HCN1: variants seen among roughly 807,000 people sequenced by gnomAD.
HCN1 encodes the protein potassium/sodium hyperpolarization-activated cyclic nucleotide-gated channel 1.
HCN1 carries 13 observed loss-of-function variants against 78.9 expected under a neutral mutation model. The ratio of observed to expected loss-of-function variants is 0.16; its 90% confidence interval spans 0.11 to 0.26. The LOEUF is 0.26. HCN1 is among the 10% of genes least tolerant of loss of function. The pLI, the probability that HCN1 is intolerant of heterozygous loss-of-function variation, is 1.00. For missense variants in HCN1, 810 were observed against 1,154.3 expected, an observed-to-expected ratio of 0.70 and a Z score of 4.32; for synonymous variants, 552 against 455.5, an observed-to-expected ratio of 1.21 and a Z score of -2.70.
intron 2 of HCN1, chr5:45,575,773 G>A (rs2111910593): frequency 6.6e-6 from 1 of 152,174 alleles, no homozygotes; most frequent in Non-Finnish European, 1.5e-5. Context: ...TCACATAAGA[G>A]CTCTGATGAA....
chr5:45,536,343 T>C (rs1350985819), intron 2 of HCN1, among the ~76,000 whole-genome samples: 1 of 152,184 alleles, frequency 6.6e-6, no homozygotes, highest in Non-Finnish European at 1.5e-5. Context: ...ACCACTTGCA[T>C]TGTTTGTGAG....
intron 2 of HCN1, among the ~76,000 whole-genome samples, chr5:45,498,522 T>C (rs1200609480): frequency 1.3e-5 from 2 of 152,154 alleles, no homozygotes; most frequent in African/African-American, 2.4e-5. Context: ...TCTTTGCCTT[T>C]GGTTTGAATC....
chr5:45,577,943 C>T (rs1743983228), intron 2 of HCN1, among the ~76,000 whole-genome samples: 1 of 152,000 alleles, frequency 6.6e-6, no homozygotes, highest in Non-Finnish European at 1.5e-5. Flanking sequence ...AGTAGTGTCA[C>T]TATTCTTTTG....
chr5:45,259,384 C>G lies in HCN1; in HGVS notation c.*2537G>C, dbSNP rs1297374791. Reference sequence around the variant, plus strand: ...TTGTAAGAATCAGCTATTCTATTATCTTTCCAGCAGCAGAAAGACCAATGA... The same window carrying G: ...TTGTAAGAATCAGCTATTCTATTATGTTTCCAGCAGCAGAAAGACCAATGA... On this transcript the variant is annotated 3_prime_UTR_variant, in exon 8 of 8. Transcript: ENST00000303230. 1 of 152,344 alleles carries G rather than the reference C, an allele frequency of 6.6e-6. No individual in the cohort carries two copies. Among genetic ancestry groups the G allele is most frequent in the Non-Finnish European group, 1.5e-5 (1 of 67,894 alleles). 9.4% of individuals were successfully genotyped at this position (152,344 alleles called of 1,614,324 possible). A position where few individuals can be genotyped will look rare whatever the true frequency, so the allele number is the denominator to read the frequency against.
Position 45,498,546 on chromosome 5 carries a change from C to T in HCN1, c.850-36539G>A, listed in dbSNP as rs536110681. On this transcript the variant is annotated intron_variant, in intron 2 of 7. Transcript: ENST00000303230. ...TTGGTTTGAATCTCCTCCCATTGCT[C>T]GGAGTAATTTGATCGTCTGAAGCCT... Among the ~76,000 whole-genome samples the T allele has an allele frequency of 3.2e-4, 49 of 152,268 alleles. 1 individual carries two copies. Among genetic ancestry groups the T allele is most frequent in the Admixed American group, 4.6e-4 (7 of 15,294 alleles).
intron 3 of HCN1, among the ~76,000 whole-genome samples, chr5:45,416,735 A>G (rs1740126572): frequency 6.6e-6 from 1 of 152,006 alleles, no homozygotes; most frequent in Admixed American, 6.6e-5. Flanking sequence ...AATTAATTGG[A>G]TAAGATTGTA....
chr5:45,511,111 T>TG (rs1742407062), intron 2 of HCN1, among the ~76,000 whole-genome samples: 2 of 152,122 alleles, frequency 1.3e-5, no homozygotes, highest in African/African-American at 2.4e-5. Flanking sequence ...ACCTAGATGA[T>TG]GGTTTCTAAT....
At chr5:45,372,608 A>C (rs1365228005) in intron 4 of HCN1, among the ~76,000 whole-genome samples, 3 of 119,934 alleles carry the variant, frequency 2.5e-5, no homozygotes, top group Non-Finnish European at 3.2e-5. Context: ...AATATATAAA[A>C]CATTTTATAT....
intron 5 of HCN1, among the ~76,000 whole-genome samples, chr5:45,306,078 A>G (rs1745728715): frequency 6.6e-6 from 1 of 152,166 alleles, no homozygotes; most frequent in Non-Finnish European, 1.5e-5. Context: ...ACGTGGAGTT[A>G]AAAGAAGACA....
intron 4 of HCN1, among the ~76,000 whole-genome samples, chr5:45,353,519 A>T (rs554446613): frequency 5.9e-5 from 9 of 152,132 alleles, no homozygotes; most frequent in African/African-American, 1.7e-4. Flanking sequence ...AATTTAAGGG[A>T]GTAGCTACAG....
intron 4 of HCN1, among the ~76,000 whole-genome samples, chr5:45,358,245 G>C (rs1182891680): frequency 1.3e-5 from 2 of 152,076 alleles, no homozygotes; most frequent in Non-Finnish European, 1.5e-5. Flanking sequence ...TATGAGGTGA[G>C]AACTGACGAA....
At chr5:45,393,077 C>A (rs776209233) in intron 4 of HCN1, among the ~76,000 whole-genome samples, 1 of 152,140 alleles carries the variant, frequency 6.6e-6, no homozygotes, top group Non-Finnish European at 1.5e-5. Flanking sequence ...GGATGCTATT[C>A]AGTCCATAAA....
chr5:45,409,787 CT>C (rs957179377), intron 3 of HCN1, among the ~76,000 whole-genome samples: 4 of 151,614 alleles, frequency 2.6e-5, no homozygotes, highest in African/African-American at 9.7e-5. Context: ...ACAATTTATC[CT>C]TTTTATAAGT....
At chr5:45,546,860 G>A (rs186036858) in intron 2 of HCN1, among the ~76,000 whole-genome samples, 70 of 151,796 alleles carry the variant, frequency 4.6e-4, no homozygotes, top group South Asian at 2.1e-4. Flanking sequence ...TTGTTTTCAC[G>A]AGTAGAATAC....
In HCN1 at chr5:45,261,989, T is replaced by C. The variant is rs1207082922; in HGVS notation, c.2605A>G (p.Arg869Gly). 5.6e-6 allele frequency: 9 copies of C among 1,613,934 alleles called. No individual in the cohort carries two copies. The East Asian group carries it at 1.1e-4, about 20-fold the overall frequency. Residue 869 changes from arginine (R) to glycine (G), a missense_variant, in exon 8 of 8, where the codon AGA becomes GGA. By Grantham distance (125) the Arg-to-Gly change is moderately radical. Coordinates refer to ENST00000303230, the MANE Select transcript of HCN1 (RefSeq NM_021072.4). ...GTGTTTAAGACTGAGGAAGATTCTC[T>C]TGGAAGAGCAGCTGCTGGTGGAGGG... is the stretch of plus-strand genomic sequence containing the variant. ...APPPPAAALP[R>G]ESSSVLNTDP...
At chr5:45,369,372 G>GTAAAT (rs1491431709) in intron 4 of HCN1, among the ~76,000 whole-genome samples, 3,831 of 151,908 alleles carry the variant, frequency 0.025, 191 homozygotes, top group African/African-American at 0.089. Context: ...ATGTAAATCT[G>GTAAAT]CCCATGGCAT....
At chr5:45,624,080 T>A (rs1465919089) in intron 2 of HCN1, among the ~76,000 whole-genome samples, 2 of 152,138 alleles carry the variant, frequency 1.3e-5, no homozygotes, top group Non-Finnish European at 2.9e-5. Context: ...GACTCTGTAA[T>A]ACAAGGTGAG....
In HCN1 at chr5:45,584,355, T is replaced by C. The variant is rs539552990; in HGVS notation, c.849+60830A>G. Among the ~76,000 whole-genome samples, 24 of 152,326 alleles carry C rather than the reference T, an allele frequency of 1.6e-4. No individual in the cohort carries two copies. The East Asian group carries it at 3.9e-3, about 25-fold the overall frequency. ...TATCACAGACTAGGATTGCAACCCCTGCCTTTTTTTGTTTTCCATTGGCTT... is the reference window on the plus strand; with the variant it reads ...TATCACAGACTAGGATTGCAACCCCCGCCTTTTTTTGTTTTCCATTGGCTT... On this transcript the variant is annotated intron_variant, in intron 2 of 7. Transcript: ENST00000303230.
intron 4 of HCN1, among the ~76,000 whole-genome samples, chr5:45,370,008 C>T (rs1292906742): frequency 6.6e-6 from 1 of 151,652 alleles, no homozygotes; most frequent in East Asian, 1.9e-4. Context: ...AATTGTACTT[C>T]CACTGGGGTT....
Sources: gnomAD v4.1 joint callset for allele counts (sites outside exome capture counted in the v4.1 genomes callset) on GRCh38, gnomAD v4.1.1 for gene constraint, MANE v1.5 for transcripts, NCBI Gene and HGNC (gene_info 2026-07-23, HGNC 2026-07-21) for gene names.